RPTOR: variants seen among roughly 807,000 people sequenced by gnomAD.
RPTOR encodes the protein regulatory-associated protein of mTOR.
Under a neutral mutation model 169.9 loss-of-function variants are expected in RPTOR, and 21 were observed. The observed-to-expected ratio is 0.12, with a 90% confidence interval of 0.09 to 0.18. The LOEUF (loss-of-function observed/expected upper bound fraction) is 0.18, where lower values mean the gene tolerates loss of function less well. RPTOR is among the 10% of genes least tolerant of loss of function. The probability of loss-of-function intolerance (pLI) is 1.00; values close to 1 mark genes in which losing one functional copy is unlikely to be tolerated. For synonymous variants in RPTOR, 732 were observed against 753.2 expected (o/e 0.97, Z 0.46); for missense variants, 1,133 against 1,855.9 (o/e 0.61, Z 7.16).
intron 6 of RPTOR, among the ~76,000 whole-genome samples, chr17:80,788,672 A>G (rs556067844): frequency 2.0e-5 from 3 of 152,286 alleles, no homozygotes; most frequent in East Asian, 3.9e-4. Flanking sequence ...GATGTACCTA[A>G]TTTATGATGT....
At chr17:80,551,563 T>C (rs1452876268) in intron 1 of RPTOR, among the ~76,000 whole-genome samples, 1 of 152,240 alleles carries the variant, frequency 6.6e-6, no homozygotes, top group Non-Finnish European at 1.5e-5. Context: ...TACAAAGCAG[T>C]ATTGCTGCCC....
In RPTOR at chr17:80,602,178, C is replaced by T. The variant is rs557162579; in HGVS notation, c.163-23513C>T. Among the ~76,000 whole-genome samples, 129 of 69,762 alleles carry T rather than the reference C, an allele frequency of 1.8e-3. 51 individuals are homozygous for T. The highest frequency in any genetic ancestry group is 8.0e-3 in the African/African-American group (125 of 15,536). 45.8% of individuals were successfully genotyped at this position (69,762 alleles called of 152,430 possible). A position where few individuals can be genotyped will look rare whatever the true frequency, so the allele number is the denominator to read the frequency against. ...GGCGCCCCTCACCTCCTGGGCAGGGCGGCTGGCCGGGCGGGGGGCTGACCC... is the reference window on the plus strand; with the variant it reads ...GGCGCCCCTCACCTCCTGGGCAGGGTGGCTGGCCGGGCGGGGGGCTGACCC... On this transcript the variant is annotated intron_variant, in intron 1 of 33. Transcript: ENST00000306801.
rs1486325093 is a variant in RPTOR, at chr17:80,554,468, G to A, written c.162+8677G>A. Among the ~76,000 whole-genome samples the A allele has an allele frequency of 3.3e-5, 5 of 152,040 alleles. No individual in the cohort carries two copies. The East Asian group carries it at 9.6e-4, about 29-fold the overall frequency. ...ACCAAAAATGAGAATCCAAGGTGGG[G>A]TGCGGTGGCTCACACCTGTAATCCC... On this transcript the variant is annotated intron_variant, in intron 1 of 33. Coordinates refer to ENST00000306801, the MANE Select transcript of RPTOR (RefSeq NM_020761.3).
intron 6 of RPTOR, among the ~76,000 whole-genome samples, chr17:80,760,178 G>A (rs1172759073): frequency 6.6e-6 from 1 of 152,108 alleles, no homozygotes; most frequent in Admixed American, 6.6e-5. Flanking sequence ...TGAAGGGGCA[G>A]ACGCACTTGG....
chr17:80,582,150 G>A (rs1343894103), intron 1 of RPTOR, among the ~76,000 whole-genome samples: 2 of 152,182 alleles, frequency 1.3e-5, no homozygotes, highest in Non-Finnish European at 2.9e-5. Context: ...CCCCTCTCAG[G>A]ATGTCACGGG....
chr17:80,762,778 A>G (rs2066748138), intron 6 of RPTOR, among the ~76,000 whole-genome samples: 1 of 152,202 alleles, frequency 6.6e-6, no homozygotes, highest in Non-Finnish European at 1.5e-5. Flanking sequence ...GGATGGAGCT[A>G]GAAGGAAGGG....
intron 9 of RPTOR, among the ~76,000 whole-genome samples, chr17:80,828,643 G>C (rs2067471074): frequency 6.6e-6 from 1 of 152,230 alleles, no homozygotes; most frequent in Admixed American, 6.5e-5. Flanking sequence ...TGAATGCCCA[G>C]CCTCTTTGCC....
chr17:80,585,969 T>C (rs1001418923), intron 1 of RPTOR, among the ~76,000 whole-genome samples: 2 of 152,052 alleles, frequency 1.3e-5, no homozygotes, highest in East Asian at 1.9e-4. Flanking sequence ...GCATTAAATA[T>C]TGTTCCGAGG....
intron 2 of RPTOR, among the ~76,000 whole-genome samples, chr17:80,637,370 C>T (rs970580328): frequency 9.2e-5 from 14 of 152,170 alleles, no homozygotes; most frequent in Admixed American, 2.6e-4. Context: ...CTGGAACTGG[C>T]GAGACGGGGT....
chr17:80,887,559 C>T (rs1228296030), intron 17 of RPTOR, among the ~76,000 whole-genome samples: 1 of 152,174 alleles, frequency 6.6e-6, no homozygotes, highest in Non-Finnish European at 1.5e-5. Flanking sequence ...GCCCCATTCT[C>T]GCAGCCTCTT....
intron 3 of RPTOR, among the ~76,000 whole-genome samples, chr17:80,669,114 G>A (rs1328496435): frequency 1.3e-5 from 2 of 152,204 alleles, no homozygotes; most frequent in Admixed American, 1.3e-4. Context: ...GGACCTGCCC[G>A]TTCTGCTGGC....
At chr17:80,793,832 T>C (rs1158323569) in intron 7 of RPTOR, among the ~76,000 whole-genome samples, 1 of 152,262 alleles carries the variant, frequency 6.6e-6, no homozygotes, top group Non-Finnish European at 1.5e-5. Context: ...CAAACTACCT[T>C]ATTTTACTGA....
At chr17:80,918,530 ATAGCCATGAGCACCCTCACG>A (rs1567986272) in intron 21 of RPTOR, among the ~76,000 whole-genome samples, 4 of 68,830 alleles carry the variant, frequency 5.8e-5, no homozygotes, top group Non-Finnish European at 9.8e-5. Context: ...CGCGGGGGTC[ATAGCCATGAGCACCCTCACG>A]GGGGTCATAG....
chr17:80,914,114 C>T (rs2068644233), intron 21 of RPTOR, among the ~76,000 whole-genome samples: 1 of 152,230 alleles, frequency 6.6e-6, no homozygotes, highest in East Asian at 1.9e-4. Flanking sequence ...AACGAAAGGT[C>T]AAATTGATGG....
At chr17:80,628,837 A>G in intron 2 of RPTOR, among the ~76,000 whole-genome samples, 1 of 152,184 alleles carries the variant, frequency 6.6e-6, no homozygotes, top group Non-Finnish European at 1.5e-5. Flanking sequence ...TGATGTCTTC[A>G]TTTTTGAAAA....
At chr17:80,825,367 G>T (rs1598332734) in intron 9 of RPTOR, among the ~76,000 whole-genome samples, 1 of 152,276 alleles carries the variant, frequency 6.6e-6, no homozygotes, top group East Asian at 1.9e-4. Context: ...GGCGAGGTTG[G>T]CACAGGGCAG....
chr17:80,857,955 G>C (rs765613283), intron 13 of RPTOR, 55 bp downstream of exon 13: 1 of 1,388,010 alleles, frequency 7.2e-7, no homozygotes, highest in Non-Finnish European at 1.0e-6. Flanking sequence ...GCCCTTCTGG[G>C]GATGCCGAGC....
intron 2 of RPTOR, among the ~76,000 whole-genome samples, chr17:80,626,908 C>T (rs1019750504): frequency 1.3e-5 from 2 of 151,922 alleles, no homozygotes; most frequent in African/African-American, 4.8e-5. Context: ...AGAACCTTTT[C>T]ACCATCCCAA....
intron 14 of RPTOR, 51 bp downstream of exon 14, chr17:80,880,540 T>C: frequency 1.3e-6 from 2 of 1,549,898 alleles, no homozygotes; most frequent in Non-Finnish European, 1.8e-6. Context: ...AGCACTCGCC[T>C]CTGCCCACAC....
Sources: allele counts gnomAD v4.1 joint callset (sites outside exome capture counted in the v4.1 genomes callset), GRCh38; gene constraint gnomAD v4.1.1; transcripts MANE v1.5; gene names NCBI Gene and HGNC (gene_info 2026-07-23, HGNC 2026-07-21).